The following PTPRT variants were observed in gnomAD, a reference collection of about 807,000 sequenced individuals.
The protein encoded by PTPRT is receptor-type tyrosine-protein phosphatase T.
In PTPRT, 56 loss-of-function variants were observed where a neutral mutation model predicts 176.8. The observed-to-expected ratio is 0.32, with a 90% confidence interval of 0.26 to 0.40. The LOEUF is 0.40. Among genes scored for constraint, PTPRT ranks in the 10% least tolerant of loss-of-function variants. The pLI is 1.00. For synonymous variants in PTPRT, 783 were observed against 739.0 expected (o/e 1.06, Z -0.96); for missense variants, 1,540 against 1,908.2 (o/e 0.81, Z 3.60).
At chr20:42,496,284 A>C (rs1472887946) in intron 7 of PTPRT, among the ~76,000 whole-genome samples, 1 of 152,112 alleles carries the variant, frequency 6.6e-6, no homozygotes, top group Non-Finnish European at 1.5e-5. Context: ...AACTTCACAA[A>C]AACACATTGC....
chr20:42,165,130 T>C (rs2146519434), intron 16 of PTPRT, among the ~76,000 whole-genome samples: 1 of 152,204 alleles, frequency 6.6e-6, no homozygotes, highest in Admixed American at 6.5e-5. Context: ...CTTCCTGCTC[T>C]CTCCTCCTCT....
intron 14 of PTPRT, 108 bp downstream of exon 14, chr20:42,248,579 C>G: frequency 7.1e-7 from 1 of 1,400,854 alleles, no homozygotes; most frequent in Non-Finnish European, 9.8e-7. Flanking sequence ...ATGGTTATAA[C>G]AGAAGATCCC....
At chr20:42,550,317 G>A (rs950108730) in intron 7 of PTPRT, among the ~76,000 whole-genome samples, 4 of 152,114 alleles carry the variant, frequency 2.6e-5, no homozygotes, top group Non-Finnish European at 5.9e-5. Context: ...AAATAACAAA[G>A]AGAAAAGCAG....
intron 1 of PTPRT, among the ~76,000 whole-genome samples, chr20:42,902,945 A>G (rs2079425159): frequency 6.6e-6 from 1 of 152,212 alleles, no homozygotes; most frequent in Non-Finnish European, 1.5e-5. Flanking sequence ...TCTAGCTATC[A>G]GGGATAAAGC....
chr20:42,872,924 C>T (rs1405824551), intron 2 of PTPRT, among the ~76,000 whole-genome samples: 2 of 152,120 alleles, frequency 1.3e-5, no homozygotes, highest in Non-Finnish European at 2.9e-5. Flanking sequence ...AGGCAGAAGG[C>T]CATGCTAACC....
rs145590116 is a variant in PTPRT, at chr20:42,913,081, T to C, written c.89-27149A>G. Among the ~76,000 whole-genome samples the C allele has an allele frequency of 2.6e-3, 382 of 148,442 alleles. 1 individual carries two copies. The highest frequency in any genetic ancestry group is 8.9e-3 in the African/African-American group (362 of 40,718). On this transcript the variant is annotated intron_variant, in intron 1 of 30. Transcript: ENST00000373187. ...AAAATAGAAACAATCATCTCTTCTT[T>C]ACAAAATTGCTGTAAAAATTAAAAC...
At chr20:42,779,357 C>T (rs527325206) in intron 4 of PTPRT, among the ~76,000 whole-genome samples, 1 of 152,240 alleles carries the variant, frequency 6.6e-6, no homozygotes, top group Non-Finnish European at 1.5e-5. Context: ...TGGAGAGAGC[C>T]CACAGGGGGT....
At chr20:42,190,135 A>G (rs890789590) in intron 16 of PTPRT, among the ~76,000 whole-genome samples, 3 of 152,048 alleles carry the variant, frequency 2.0e-5, no homozygotes, top group Admixed American at 2.0e-4. Flanking sequence ...GTAACATTCA[A>G]TTCTTCTCCC....
chr20:42,998,969 A>C (rs1984377148), intron 1 of PTPRT, among the ~76,000 whole-genome samples: 1 of 152,212 alleles, frequency 6.6e-6, no homozygotes, highest in African/African-American at 2.4e-5. Context: ...CTACTTCTCC[A>C]ACCATTTCCC....
At chr20:42,550,426 C>T (rs1252361378) in intron 7 of PTPRT, among the ~76,000 whole-genome samples, 1 of 151,992 alleles carries the variant, frequency 6.6e-6, no homozygotes, top group Non-Finnish European at 1.5e-5. Flanking sequence ...ATTATATGAA[C>T]CATGAAATTA....
intron 11 of PTPRT, among the ~76,000 whole-genome samples, chr20:42,327,359 C>G (rs186851058): frequency 6.6e-6 from 1 of 151,926 alleles, no homozygotes; most frequent in East Asian, 1.9e-4. Context: ...TTGATTGGAT[C>G]CTGGATTGAA....
chr20:42,057,441 A>C, the PTPRT span, among the ~76,000 whole-genome samples: 1 of 152,122 alleles, frequency 6.6e-6, no homozygotes, highest in Non-Finnish European at 1.5e-5. Flanking sequence ...TGGGTTTGTG[A>C]GCCATACTGT....
chr20:42,331,802 A>G (rs927011227), intron 11 of PTPRT, among the ~76,000 whole-genome samples: 1 of 152,160 alleles, frequency 6.6e-6, no homozygotes, highest in African/African-American at 2.4e-5. Context: ...ATATTCTTAT[A>G]TATACCAAAT....
At chr20:42,506,353 A>G (rs1010006629) in intron 7 of PTPRT, among the ~76,000 whole-genome samples, 2 of 152,204 alleles carry the variant, frequency 1.3e-5, no homozygotes, top group Non-Finnish European at 2.9e-5. Context: ...ACACACTTCA[A>G]TAAGCATAGC....
Position 42,747,934 on chromosome 20 carries a change from A to G in PTPRT, c.859+8528T>C, listed in dbSNP as rs117260984. On this transcript the variant is annotated intron_variant, in intron 6 of 30. Transcript: ENST00000373187. ...GCTGCTGCATTGAGAATAGACATCA[A>G]TGGGGCAAGAGTGGAGCAGGGAGGA... 8.4e-4 allele frequency among the ~76,000 whole-genome samples: 128 copies of G among 152,312 alleles called. 2 individuals are homozygous for G. The East Asian group carries it at 0.021, about 26-fold the overall frequency.
chr20:42,214,329 C>A (rs953804216), intron 15 of PTPRT, among the ~76,000 whole-genome samples: 1 of 152,104 alleles, frequency 6.6e-6, no homozygotes, highest in South Asian at 2.1e-4. Flanking sequence ...TAGACAGCTG[C>A]GGCCAGAAAA....
chr20:42,119,594 G>T (rs929046477), intron 20 of PTPRT, among the ~76,000 whole-genome samples: 56 of 152,312 alleles, frequency 3.7e-4, no homozygotes, highest in African/African-American at 1.3e-3. Flanking sequence ...TCCGGCCCTG[G>T]CAGGTGTTGA....
intron 7 of PTPRT, among the ~76,000 whole-genome samples, chr20:42,487,480 C>A (rs990214210): frequency 1.3e-5 from 2 of 152,104 alleles, no homozygotes; most frequent in African/African-American, 4.8e-5. Context: ...TCTTACATGG[C>A]AAAAAGAACA....
At chr20:42,921,405 A>G (rs1172676768) in intron 1 of PTPRT, among the ~76,000 whole-genome samples, 1 of 151,620 alleles carries the variant, frequency 6.6e-6, no homozygotes, top group East Asian at 1.9e-4. Context: ...AGATCTCAAC[A>G]TAGTGAGATC....
Sources: allele counts gnomAD v4.1 joint callset (sites outside exome capture counted in the v4.1 genomes callset), GRCh38; gene constraint gnomAD v4.1.1; transcripts MANE v1.5; gene names NCBI Gene and HGNC (gene_info 2026-07-23, HGNC 2026-07-21).